PHLPP1: variants seen among roughly 807,000 people sequenced by gnomAD.
The protein encoded by PHLPP1 is PH domain and leucine rich repeat protein phosphatase 1.
A neutral mutation model predicts 117.2 loss-of-function variants in PHLPP1; 42 were observed. The observed-to-expected ratio is 0.36, with a 90% CI of 0.28 to 0.46. PHLPP1 has a LOEUF of 0.46. Among genes scored for constraint, PHLPP1 ranks in the 20% least tolerant of loss-of-function variants. The pLI, the probability that PHLPP1 is intolerant of heterozygous loss-of-function variation, is 1.00. For missense variants in PHLPP1, 2,084 were observed against 2,241.9 expected (o/e 0.93, Z 1.42); for synonymous variants, 1,042 against 970.7 (o/e 1.07, Z -1.37).
At chr18:62,927,352 C>T (rs1208619673) in intron 10 of PHLPP1, among the ~76,000 whole-genome samples, 3 of 151,924 alleles carry the variant, frequency 2.0e-5, no homozygotes, top group Non-Finnish European at 4.4e-5. Flanking sequence ...AATAAGAAAG[C>T]AAAAAACAAC....
rs1158243968 is a variant in PHLPP1 at position 62,980,299 on chromosome 18, C to G, written c.*868C>G. 1 of 152,772 alleles carries G rather than the reference C, an allele frequency of 6.5e-6. No individual in the cohort carries two copies. Among genetic ancestry groups the G allele is most frequent in the Non-Finnish European group, 1.5e-5 (1 of 68,104 alleles). The allele number at this position is 152,772 out of a possible 1,614,324, so 9.5% of individuals were successfully genotyped here. A position where few individuals can be genotyped will look rare whatever the true frequency, so the allele number is the denominator to read the frequency against. The stretch of plus-strand genomic sequence containing the variant: ...TTTGACAGACACTTTTAACTGTGTT[C>G]CTTACTGCTGCCACAATCAGCATGG... On this transcript the variant is annotated 3_prime_UTR_variant, in exon 17 of 17. Coordinates refer to ENST00000262719, the MANE Select transcript of PHLPP1 (RefSeq NM_194449.4).
At chr18:62,860,643 G>A (rs879074888) in intron 4 of PHLPP1, 42 bp downstream of exon 4, 2 of 1,515,394 alleles carry the variant, frequency 1.3e-6, no homozygotes, top group South Asian at 2.4e-5. Flanking sequence ...AAGGGGTGGG[G>A]GCAGAATGAA....
chr18:62,844,565 CT>C (rs1915133442), intron 3 of PHLPP1, among the ~76,000 whole-genome samples: 1 of 152,164 alleles, frequency 6.6e-6, no homozygotes, highest in African/African-American at 2.4e-5. Context: ...GGTATGCTCC[CT>C]TTCTCTCTGG....
At chr18:62,912,296 G>C (rs1160677477) in intron 8 of PHLPP1, among the ~76,000 whole-genome samples, 1 of 101,178 alleles carries the variant, frequency 9.9e-6, no homozygotes, top group Non-Finnish European at 2.2e-5. Flanking sequence ...AAAACTTAGA[G>C]TATAATAAAA....
In PHLPP1 at chr18:62,825,214, C is replaced by T. The variant is rs187391682; in HGVS notation, c.1577-4821C>T. ...CCTCAAGTAATCCACCCACTTCAGCCTCCCAAAGTGCTAGGATTACAGGCA... is the reference window on the plus strand; with the variant it reads ...CCTCAAGTAATCCACCCACTTCAGCTTCCCAAAGTGCTAGGATTACAGGCA... On this transcript the variant is annotated intron_variant, in intron 1 of 16. Transcript: ENST00000262719. Among the ~76,000 whole-genome samples the T allele has an allele frequency of 3.2e-3, 492 of 151,994 alleles. 2 individuals are homozygous for T. The highest frequency in any genetic ancestry group is 0.011 in the African/African-American group (463 of 41,484).
chr18:62,752,205 G>A (rs1267442913), intron 1 of PHLPP1, among the ~76,000 whole-genome samples: 1 of 152,160 alleles, frequency 6.6e-6, no homozygotes, highest in Non-Finnish European at 1.5e-5. Context: ...AGCCTCCTGA[G>A]TAGCTGGGAC....
At chr18:62,833,107 T>C (rs1395017289) in intron 2 of PHLPP1, among the ~76,000 whole-genome samples, 2 of 152,206 alleles carry the variant, frequency 1.3e-5, no homozygotes, top group Non-Finnish European at 2.9e-5. Context: ...ACAGTCTTGC[T>C]TTGTCATCCA....
chr18:62,892,045 GTTTTC>G (rs899760042), intron 4 of PHLPP1, among the ~76,000 whole-genome samples: 9 of 130,620 alleles, frequency 6.9e-5, no homozygotes, highest in African/African-American at 2.4e-4. Context: ...AAGTGTCATT[GTTTTC>G]TTTTCATTTT....
intron 2 of PHLPP1, among the ~76,000 whole-genome samples, chr18:62,835,725 T>C (rs975586442): frequency 3.3e-5 from 5 of 151,814 alleles, no homozygotes; most frequent in Admixed American, 3.3e-4. Flanking sequence ...GGTTTTATAG[T>C]TCTAATTACG....
chr18:62,762,150 A>C (rs1912265271), intron 1 of PHLPP1, among the ~76,000 whole-genome samples: 1 of 152,054 alleles, frequency 6.6e-6, no homozygotes, highest in Non-Finnish European at 1.5e-5. Context: ...TTGTTCTAGA[A>C]AATTGACTGT....
At chr18:62,966,754 C>G (rs1910916487) in intron 14 of PHLPP1, among the ~76,000 whole-genome samples, 1 of 152,186 alleles carries the variant, frequency 6.6e-6, no homozygotes, top group African/African-American at 2.4e-5. Context: ...CAGGCGTGAG[C>G]TGCCGTGCCC....
At chr18:62,824,333 A>G (rs759193093) in intron 1 of PHLPP1, 2 of 391,294 alleles carry the variant, frequency 5.1e-6, no homozygotes, top group African/African-American at 2.1e-5. Context: ...AAAGAATTCA[A>G]GTGTCCATTA....
chr18:62,945,277 T>A lies in PHLPP1; in HGVS notation c.3324+6T>A. On this transcript the variant is annotated splice_donor_region_variant and intron_variant, in intron 12 of 16. Coordinates refer to ENST00000262719, the MANE Select transcript of PHLPP1 (RefSeq NM_194449.4). The stretch of plus-strand genomic sequence containing the variant: ...TGCAGCTCCCAGAGATCAAGGTATG[T>A]GGTTTCATTTCATAAACTCTAAGCT... 1 of 1,587,652 alleles carries A rather than the reference T, an allele frequency of 6.3e-7. No homozygotes were observed. Among genetic ancestry groups the A allele is most frequent in the South Asian group, 1.2e-5 (1 of 86,214 alleles).
chr18:62,766,187 CTG>C (rs1300245821), intron 1 of PHLPP1, among the ~76,000 whole-genome samples: 1 of 142,178 alleles, frequency 7.0e-6, no homozygotes, highest in African/African-American at 2.6e-5. Flanking sequence ...GAGAGGAAAA[CTG>C]TTTCAGTCAG....
intron 12 of PHLPP1, among the ~76,000 whole-genome samples, chr18:62,952,866 TC>T (rs1158005716): frequency 6.6e-6 from 1 of 152,074 alleles, no homozygotes; most frequent in Admixed American, 6.5e-5. Flanking sequence ...AAGCAATCCT[TC>T]CACAACGGTC....
intron 13 of PHLPP1, among the ~76,000 whole-genome samples, chr18:62,962,658 C>A (rs1910803158): frequency 6.6e-6 from 1 of 152,160 alleles, no homozygotes; most frequent in Non-Finnish European, 1.5e-5. Flanking sequence ...TTTAGTATTT[C>A]TGTTTTGGGT....
At chr18:62,864,643 A>C (rs1170460546) in intron 4 of PHLPP1, among the ~76,000 whole-genome samples, 4 of 152,226 alleles carry the variant, frequency 2.6e-5, no homozygotes, top group Non-Finnish European at 5.9e-5. Flanking sequence ...AAAATAAGTA[A>C]AATTATCCCA....
chr18:62,718,619 C>T (rs1251553669), intron 1 of PHLPP1, among the ~76,000 whole-genome samples: 1 of 152,118 alleles, frequency 6.6e-6, no homozygotes, highest in Non-Finnish European at 1.5e-5. Flanking sequence ...TTTGTCAACT[C>T]GATGACATGG....
chr18:62,782,609 T>C (rs1384572077), intron 1 of PHLPP1, among the ~76,000 whole-genome samples: 5 of 152,258 alleles, frequency 3.3e-5, no homozygotes, highest in African/African-American at 1.2e-4. Flanking sequence ...ATAAGTGTTA[T>C]ATATGTGACA....
Sources: gnomAD v4.1 joint callset for allele counts (sites outside exome capture counted in the v4.1 genomes callset) on GRCh38, gnomAD v4.1.1 for gene constraint, MANE v1.5 for transcripts, NCBI Gene and HGNC (gene_info 2026-07-23, HGNC 2026-07-21) for gene names.